Variants in SLC5A3 observed in about 807,000 individuals in gnomAD.
SLC5A3 encodes sodium/myo-inositol cotransporter.
SLC5A3 carries 10 observed loss-of-function variants against 43.2 expected under a neutral mutation model. The ratio of observed to expected loss-of-function variants is 0.23; its 90% CI spans 0.14 to 0.39. The LOEUF is 0.39. SLC5A3 is among the 10% of genes least tolerant of loss of function. The probability of loss-of-function intolerance (pLI) is 1.00; values close to 1 mark genes in which losing one functional copy is unlikely to be tolerated. For synonymous variants in SLC5A3, 349 were observed against 322.0 expected (o/e 1.08, Z -0.90); for missense variants, 608 against 893.4 (o/e 0.68, Z 4.07).
chr21:34,083,550 T>G (rs746120522), intron 1 of SLC5A3, among the ~76,000 whole-genome samples: 3 of 152,224 alleles, frequency 2.0e-5, no homozygotes, highest in Non-Finnish European at 4.4e-5. Context: ...TTGACACTGT[T>G]AAGTAAGCAA....
chr21:34,098,609 T>A lies in SLC5A3; in HGVS notation c.*1254T>A. 1 of 1,000,270 alleles carries A rather than the reference T, an allele frequency of 1.0e-6. No individual in the cohort carries two copies. The highest frequency in any genetic ancestry group is 1.2e-6 in the Non-Finnish European group (1 of 829,990). 62.0% of individuals were successfully genotyped at this position (1,000,270 alleles called of 1,614,324 possible). On this transcript the variant is annotated 3_prime_UTR_variant, in exon 2 of 2. Transcript: ENST00000381151. ...TACTTTGCTGTTGTTAGGTTGTCAATATAGTCTTTCTGTAGGATGGATAGC... is the reference window on the plus strand; with the variant it reads ...TACTTTGCTGTTGTTAGGTTGTCAAAATAGTCTTTCTGTAGGATGGATAGC...
rs764291047 is a variant in SLC5A3, at chr21:34,096,858, G to T, written c.1660G>T (p.Val554Leu). The T allele has an allele frequency of 6.8e-6, 11 of 1,613,968 alleles. No individual in the cohort carries two copies. In the Admixed American group the frequency reaches 1.0e-4, roughly 15 times the overall value. ...TTFWSKKNLV[V>L]KENCSPKEEP... is the part of the protein sequence containing the mutation. ...CTTTTGGTCTAAGAAGAACCTGGTGGTGAAGGAGAACTGCTCCCCAAAAGA... is the reference window on the plus strand; with the variant it reads ...CTTTTGGTCTAAGAAGAACCTGGTGTTGAAGGAGAACTGCTCCCCAAAAGA... The change falls in exon 2 of 2, where the codon GTG becomes TTG. Residue 554 changes from valine to leucine, a missense_variant. Physicochemically the swap from Val to Leu is conservative, Grantham distance 32. Around this residue, in one of 2 missense-constraint regions of SLC5A3, gnomAD observed 210 missense variants for 224.8 expected, o/e 0.93. Coordinates refer to ENST00000381151, the MANE Select transcript of SLC5A3 (RefSeq NM_006933.7). This position sits in a 1 kb window ranked among gnomAD's most constrained non-coding sequence, Gnocchi z 5.9.
In SLC5A3 at chr21:34,098,305, C is replaced by G. The variant is rs1979066125; in HGVS notation, c.*950C>G. 1 of 999,924 alleles carries G rather than the reference C, an allele frequency of 1.0e-6. No individual in the cohort carries two copies. The highest frequency in any genetic ancestry group is 1.2e-6 in the Non-Finnish European group (1 of 829,912). 61.9% of individuals were successfully genotyped at this position (999,924 alleles called of 1,614,324 possible). ...TAGCCAAATGCCTTCCTAGGTGGAT[C>G]CAGTTGGAAGATATGTCCAGAAACC... On this transcript the variant is annotated 3_prime_UTR_variant, in exon 2 of 2. Transcript: ENST00000381151.
rs376248791 is a variant in SLC5A3 at position 34,073,728 on chromosome 21, C to T, written c.-354C>T. ...GCCCCGCTACGAGCTGGCTTTAATCCTGAAAGCCATGCAGCGGGTAAGTGA... is the reference window on the plus strand; with the variant it reads ...GCCCCGCTACGAGCTGGCTTTAATCTTGAAAGCCATGCAGCGGGTAAGTGA... On this transcript the variant is annotated 5_prime_UTR_variant, in exon 1 of 2. Coordinates refer to ENST00000381151, the MANE Select transcript of SLC5A3 (RefSeq NM_006933.7). 1.3e-6 allele frequency: 2 copies of T among 1,529,558 alleles called. No homozygotes were observed. Among genetic ancestry groups the T allele is most frequent in the Non-Finnish European group, 8.8e-7 (1 of 1,133,052 alleles). 94.7% of individuals were successfully genotyped at this position (1,529,558 alleles called of 1,614,324 possible).
chr21:34,074,576 A>T (rs1014350014), intron 1 of SLC5A3, among the ~76,000 whole-genome samples: 6 of 152,128 alleles, frequency 3.9e-5, no homozygotes, highest in African/African-American at 1.4e-4. Context: ...GAGGCAGCTC[A>T]CTTCGTCCTC....
intron 1 of SLC5A3, among the ~76,000 whole-genome samples, chr21:34,074,973 C>T (rs945540587): frequency 1.3e-5 from 2 of 152,188 alleles, no homozygotes; most frequent in South Asian, 2.1e-4. Flanking sequence ...CATTGTGTCC[C>T]CCAGCTTGTT....
intron 1 of SLC5A3, among the ~76,000 whole-genome samples, chr21:34,084,777 CCT>C (rs1166334554): frequency 6.6e-6 from 1 of 152,148 alleles, no homozygotes; most frequent in Non-Finnish European, 1.5e-5. Flanking sequence ...AGTCTGCTCA[CCT>C]CTGTTTTCTT....
chr21:34,076,129 C>A (rs755853269), intron 1 of SLC5A3, among the ~76,000 whole-genome samples: 18 of 152,124 alleles, frequency 1.2e-4, no homozygotes, highest in Non-Finnish European at 1.8e-4. Context: ...CTGTGTTAGG[C>A]AACTTTAACA....
At chr21:34,084,276 G>GA (rs34783130) in intron 1 of SLC5A3, among the ~76,000 whole-genome samples, 47,101 of 152,026 alleles carry the variant, frequency 0.31, 7,699 homozygotes, top group Non-Finnish European at 0.37. Flanking sequence ...GGTCTACCAG[G>GA]AAGGTGCTTG....
intron 1 of SLC5A3, among the ~76,000 whole-genome samples, chr21:34,080,895 C>T (rs1040188523): frequency 6.6e-6 from 1 of 152,230 alleles, no homozygotes; most frequent in East Asian, 1.9e-4. Flanking sequence ...GCACTTCGCT[C>T]ACGCTGGGTG....
intron 1 of SLC5A3, among the ~76,000 whole-genome samples, chr21:34,093,808 C>T (rs1257447363): frequency 6.6e-6 from 1 of 152,158 alleles, no homozygotes; most frequent in African/African-American, 2.4e-5. Context: ...ATTTAAATGT[C>T]TGTTTTGCAG....
chr21:34,096,072 A>T lies in SLC5A3; in HGVS notation c.874A>T (p.Ile292Phe). The T allele has an allele frequency of 1.2e-6, 2 of 1,614,060 alleles. No individual in the cohort carries two copies. Among genetic ancestry groups the T allele is most frequent in the South Asian group, 1.1e-5 (1 of 91,074 alleles). Residue 292 changes from isoleucine (I) to phenylalanine (F), a missense_variant, in exon 2 of 2, where the codon ATT becomes TTT. Physicochemically the swap from Ile to Phe is conservative, Grantham distance 21. Transcript: ENST00000381151. The surrounding 1 kb of genome is among the most constrained non-coding windows in gnomAD (Gnocchi z 5.9). ...IVQRVLAAKNIAHAKGSTLMA... is the reference protein window; with the variant it reads ...IVQRVLAAKNFAHAKGSTLMA... The stretch of plus-strand genomic sequence containing the variant: ...GCAGAGGGTCCTTGCAGCCAAAAAC[A>T]TTGCTCATGCCAAAGGCTCTACTCT...
rs80203208 is a variant in SLC5A3, at chr21:34,075,280, A to G, written c.-337+1535A>G. Among the ~76,000 whole-genome samples, 182 of 152,332 alleles carry G rather than the reference A, an allele frequency of 1.2e-3. 2 individuals are homozygous for G. In the East Asian group the frequency reaches 0.03, roughly 25 times the overall value. On this transcript the variant is annotated intron_variant, in intron 1 of 1. Transcript: ENST00000381151. ...TGAAAGAGGCAACCTGTAGGCAATA[A>G]TATTTGCTCATTCTGTAACCCTTTG...
intron 1 of SLC5A3, among the ~76,000 whole-genome samples, chr21:34,088,492 T>C (rs1168958647): frequency 6.6e-6 from 1 of 152,282 alleles, no homozygotes; most frequent in Non-Finnish European, 1.5e-5. Context: ...TCTTACGTGC[T>C]GTTTGCAGTC....
chr21:34,102,436 G>A lies in SLC5A3; in HGVS notation c.*5081G>A, dbSNP rs1342376757. ...GAGGGATTAGTTTTTTTGTTTTGGGGTAAGCACCTAATTTATCCAGTAACC... is the reference window on the plus strand; with the variant it reads ...GAGGGATTAGTTTTTTTGTTTTGGGATAAGCACCTAATTTATCCAGTAACC... On this transcript the variant is annotated 3_prime_UTR_variant, in exon 2 of 2. Coordinates refer to ENST00000381151, the MANE Select transcript of SLC5A3 (RefSeq NM_006933.7). 5 of 999,870 alleles carry A rather than the reference G, an allele frequency of 5.0e-6. No homozygotes were observed. The highest frequency in any genetic ancestry group is 6.0e-6 in the Non-Finnish European group (5 of 829,740). The allele number at this position is 999,870 out of a possible 1,614,324, so 61.9% of individuals were successfully genotyped here. A position where few individuals can be genotyped will look rare whatever the true frequency, so the allele number is the denominator to read the frequency against.
intron 1 of SLC5A3, among the ~76,000 whole-genome samples, chr21:34,076,223 G>A (rs1190305351): frequency 2.0e-5 from 3 of 152,184 alleles, no homozygotes; most frequent in African/African-American, 7.2e-5. Context: ...GCAGTACTCA[G>A]CCTGGAGAGC....
intron 1 of SLC5A3, among the ~76,000 whole-genome samples, chr21:34,090,947 G>C (rs8132572): frequency 0.024 from 3,667 of 152,344 alleles, 158 homozygotes; most frequent in African/African-American, 0.082. Context: ...TCTGTCTGTT[G>C]GGGTGGGGAG....
chr21:34,093,826 A>G (rs1978833670), intron 1 of SLC5A3, among the ~76,000 whole-genome samples: 2 of 152,206 alleles, frequency 1.3e-5, no homozygotes, highest in Non-Finnish European at 2.9e-5. Flanking sequence ...CAGAGTGATT[A>G]TCTTAATCCA....
At chr21:34,086,013 TC>T (rs1339627459) in intron 1 of SLC5A3, among the ~76,000 whole-genome samples, 1 of 152,184 alleles carries the variant, frequency 6.6e-6, no homozygotes, top group East Asian at 1.9e-4. Context: ...TGTCTACAGT[TC>T]TGGTTGACTC....
Sources: gnomAD v4.1 joint callset for allele counts (sites outside exome capture counted in the v4.1 genomes callset) on GRCh38, gnomAD v4.1.1 for gene constraint, gnomAD v4.1.1 regional missense constraint, Gnocchi (gnomAD v3.1) non-coding constraint, MANE v1.5 for transcripts, NCBI Gene and HGNC (gene_info 2026-07-23, HGNC 2026-07-21) for gene names.